PLXNA4: variants seen among roughly 807,000 people sequenced by gnomAD.
PLXNA4 encodes plexin A4, also known as plexin-A4.
Under a neutral mutation model 191.8 loss-of-function variants are expected in PLXNA4, and 44 were observed. The ratio of observed to expected loss-of-function variants is 0.23; its 90% CI spans 0.18 to 0.29. The LOEUF (loss-of-function observed/expected upper bound fraction) is 0.29, where lower values mean the gene tolerates loss of function less well. Ranked by LOEUF, PLXNA4 falls within the 10% of genes least tolerant of loss-of-function variation. The pLI is 1.00. For synonymous variants in PLXNA4, 1,082 were observed against 1,009.5 expected, an observed-to-expected ratio of 1.07 and a Z score of -1.36; for missense variants, 1,800 against 2,488.8, an observed-to-expected ratio of 0.72 and a Z score of 5.89.
intron 20 of PLXNA4, among the ~76,000 whole-genome samples, chr7:132,177,280 C>T (rs1012487374): frequency 6.6e-6 from 1 of 152,106 alleles, no homozygotes; most frequent in Admixed American, 6.5e-5. Flanking sequence ...TGTAAATACA[C>T]GGGTATGTTT....
rs768934938 is a variant in PLXNA4 at position 132,198,614 on chromosome 7, C to T, written c.2609G>A (p.Arg870Gln). The T allele has an allele frequency of 1.4e-5, 23 of 1,614,174 alleles. No individual in the cohort carries two copies. Among genetic ancestry groups the T allele is most frequent in the South Asian group, 3.3e-5 (3 of 91,088 alleles). The change falls in exon 13 of 32, where the codon CGG (arginine) becomes CAG (glutamine). Residue 870 changes from arginine to glutamine, a missense_variant. Transcript: ENST00000321063. Reference protein sequence around the residue: ...ITEIIPVTGPREGGTKVTIRG... With the variant: ...ITEIIPVTGPQEGGTKVTIRG... Reference sequence around the variant, plus strand: ...GATAGTGACCTTGGTGCCCCCTTCCCGGGGGCCTGTCACCGGGATTATCTG... The same window carrying T: ...GATAGTGACCTTGGTGCCCCCTTCCTGGGGGCCTGTCACCGGGATTATCTG...
At chr7:132,449,956 G>A (rs1378448308) in intron 3 of PLXNA4, among the ~76,000 whole-genome samples, 1 of 152,186 alleles carries the variant, frequency 6.6e-6, no homozygotes, top group Admixed American at 6.5e-5. Flanking sequence ...CAGTCCCCCT[G>A]GGGGCCCTGG....
chr7:132,132,417 G>A (rs1423320764), intron 31 of PLXNA4, among the ~76,000 whole-genome samples: 3 of 57,928 alleles, frequency 5.2e-5, no homozygotes, highest in South Asian at 9.5e-4. Context: ...GTTCTGTTCT[G>A]TTCTGTTCTG....
chr7:132,622,523 A>T (rs1436262779), intron 2 of PLXNA4, among the ~76,000 whole-genome samples: 1 of 151,972 alleles, frequency 6.6e-6, no homozygotes, highest in African/African-American at 2.4e-5. Flanking sequence ...CAAACTGTCT[A>T]AAGAATTAGG....
chr7:132,198,939 G>A (rs1797345935), intron 12 of PLXNA4, among the ~76,000 whole-genome samples: 1 of 152,166 alleles, frequency 6.6e-6, no homozygotes. Context: ...GTAGAAAATT[G>A]GGATTCATGC....
At chr7:132,479,675 G>A (rs1329272177) in intron 3 of PLXNA4, among the ~76,000 whole-genome samples, 1 of 152,072 alleles carries the variant, frequency 6.6e-6, no homozygotes, top group African/African-American at 2.4e-5. Context: ...TTTGGGATAG[G>A]GTCTCACTCT....
chr7:132,186,976 A>G (rs1796899626), intron 15 of PLXNA4, among the ~76,000 whole-genome samples: 1 of 152,182 alleles, frequency 6.6e-6, no homozygotes, highest in Non-Finnish European at 1.5e-5. Flanking sequence ...TAACATCACT[A>G]TTGTAAAACC....
Position 132,562,537 on chromosome 7 carries a change from C to CT in PLXNA4, c.-87+13884dup, listed in dbSNP as rs1217410442. Reference sequence around the variant, plus strand: ...TCCTCCTCTTCCTCCTCCTTCTCCTCTTTCTCCTCCTCCTCCTTCTCTTCC... The same window carrying CT: ...TCCTCCTCTTCCTCCTCCTTCTCCTCTTTTCTCCTCCTCCTCCTTCTCTTCC... On this transcript the variant is annotated intron_variant, in intron 1 of 31. Coordinates refer to ENST00000321063, the MANE Select transcript of PLXNA4 (RefSeq NM_020911.2). 4.0e-3 allele frequency among the ~76,000 whole-genome samples: 494 copies of CT among 123,164 alleles called. 14 individuals are homozygous for CT. Among genetic ancestry groups the CT allele is most frequent in the African/African-American group, 0.016 (465 of 28,908 alleles). The allele number at this position is 123,164 out of a possible 152,430, so 80.8% of individuals were successfully genotyped here.
rs566964304 is a variant in PLXNA4, at chr7:132,499,992, T to C, written c.1188+7514A>G. Among the ~76,000 whole-genome samples, 14 of 152,242 alleles carry C rather than the reference T, an allele frequency of 9.2e-5. No individual in the cohort carries two copies. In the East Asian group the frequency reaches 1.4e-3, roughly 15 times the overall value. ...AGAGGCCAGATGGAGAAGAGCTCTCTCAGTTGTCTCTTTCTCCTTCTCTCC... is the reference window on the plus strand; with the variant it reads ...AGAGGCCAGATGGAGAAGAGCTCTCCCAGTTGTCTCTTTCTCCTTCTCTCC... On this transcript the variant is annotated intron_variant, in intron 2 of 31. Coordinates refer to ENST00000321063, the MANE Select transcript of PLXNA4 (RefSeq NM_020911.2).
intron 2 of PLXNA4, among the ~76,000 whole-genome samples, chr7:132,639,527 C>A (rs558928826): frequency 6.6e-6 from 1 of 152,270 alleles, no homozygotes; most frequent in South Asian, 2.1e-4. Flanking sequence ...TGCCAAGAAC[C>A]ATGCGCCCCC....
At chr7:132,557,213 G>A (rs1488988163) in intron 1 of PLXNA4, among the ~76,000 whole-genome samples, 1 of 152,212 alleles carries the variant, frequency 6.6e-6, no homozygotes, top group Non-Finnish European at 1.5e-5. Flanking sequence ...AAAATTAGAT[G>A]TGGAGTCAGA....
chr7:132,383,965 TC>T, intron 3 of PLXNA4: 2 of 985,450 alleles, frequency 2.0e-6, no homozygotes, highest in South Asian at 9.4e-5. Context: ...TCTTTCAAAG[TC>T]CTTGCTTTAC....
intron 5 of PLXNA4, among the ~76,000 whole-genome samples, chr7:132,237,218 C>A (rs1042879534): frequency 6.6e-6 from 1 of 152,060 alleles, no homozygotes; most frequent in African/African-American, 2.4e-5. Context: ...TATCCAGGAC[C>A]GGATTTTAGA....
chr7:132,253,876 A>C (rs1268881388), intron 4 of PLXNA4, among the ~76,000 whole-genome samples: 1 of 152,164 alleles, frequency 6.6e-6, no homozygotes, highest in Non-Finnish European at 1.5e-5. Context: ...TACAGCCCCC[A>C]TATGTGCAGA....
intron 3 of PLXNA4, among the ~76,000 whole-genome samples, chr7:132,477,551 G>A (rs1797179945): frequency 6.6e-6 from 1 of 152,128 alleles, no homozygotes; most frequent in Admixed American, 6.5e-5. Flanking sequence ...CTAAACTTGG[G>A]GGTCATTTGT....
intron 3 of PLXNA4, among the ~76,000 whole-genome samples, chr7:132,337,289 C>G (rs1802855630): frequency 6.6e-6 from 1 of 152,218 alleles, no homozygotes; most frequent in Non-Finnish European, 1.5e-5. Flanking sequence ...TAAAAACTGG[C>G]AAGTCACATG....
chr7:132,538,504 C>T (rs1799942293), intron 1 of PLXNA4, among the ~76,000 whole-genome samples: 1 of 152,218 alleles, frequency 6.6e-6, no homozygotes, highest in Non-Finnish European at 1.5e-5. Flanking sequence ...GGGGGCTATA[C>T]CTAAGGCTGC....
At chr7:132,182,547 G>T (rs1796744164) in intron 16 of PLXNA4, among the ~76,000 whole-genome samples, 1 of 152,016 alleles carries the variant, frequency 6.6e-6, no homozygotes, top group Admixed American at 6.5e-5. Context: ...TCCTTCCCCT[G>T]GTCCTCACCA....
At chr7:132,190,604 C>T (rs1235741214) in intron 14 of PLXNA4, among the ~76,000 whole-genome samples, 2 of 152,224 alleles carry the variant, frequency 1.3e-5, no homozygotes, top group African/African-American at 4.8e-5. Flanking sequence ...TGCCTATGCA[C>T]TGTGGGGATC....
Sources: allele counts gnomAD v4.1 joint callset (sites outside exome capture counted in the v4.1 genomes callset), GRCh38; gene constraint gnomAD v4.1.1; transcripts MANE v1.5; gene names NCBI Gene and HGNC (gene_info 2026-07-23, HGNC 2026-07-21).